Variants in PDE4B observed in about 807,000 individuals in gnomAD.
PDE4B encodes phosphodiesterase 4B, also known as 3',5'-cyclic-AMP phosphodiesterase 4B.
A neutral mutation model predicts 82.2 loss-of-function variants in PDE4B; 20 were observed. The ratio of observed to expected loss-of-function variants is 0.24; its 90% CI spans 0.17 to 0.35. The LOEUF is 0.35. Ranked by LOEUF, PDE4B falls within the 10% of genes least tolerant of loss-of-function variation. The pLI, the probability that PDE4B is intolerant of heterozygous loss-of-function variation, is 1.00. For missense variants in PDE4B, 655 were observed against 907.2 expected (o/e 0.72, Z 3.57); for synonymous variants, 320 against 318.9 (o/e 1.00, Z -0.04).
chr1:66,220,333 A>C (rs1650871840), intron 3 of PDE4B, among the ~76,000 whole-genome samples: 1 of 152,258 alleles, frequency 6.6e-6, no homozygotes, highest in Admixed American at 6.5e-5. Context: ...CCTCCCTTCC[A>C]TTAGAGCGAG....
At chr1:65,981,443 A>G (rs995290371) in intron 3 of PDE4B, among the ~76,000 whole-genome samples, 2 of 152,078 alleles carry the variant, frequency 1.3e-5, no homozygotes, top group African/African-American at 2.4e-5. Flanking sequence ...GAAATTATGG[A>G]GAAACAATTC....
At chr1:65,884,361 C>A (rs936401030) in intron 1 of PDE4B, among the ~76,000 whole-genome samples, 9 of 152,076 alleles carry the variant, frequency 5.9e-5, no homozygotes, top group African/African-American at 2.2e-4. Flanking sequence ...TTCAGGGATT[C>A]AAGTTCTTCC....
At chr1:66,357,509 T>C (rs1186099773) in intron 9 of PDE4B, among the ~76,000 whole-genome samples, 1 of 151,950 alleles carries the variant, frequency 6.6e-6, no homozygotes, top group Non-Finnish European at 1.5e-5. Flanking sequence ...CCTATTCTGC[T>C]TGCTATTTAG....
chr1:66,206,520 T>C (rs778395474), intron 3 of PDE4B, among the ~76,000 whole-genome samples: 1 of 152,130 alleles, frequency 6.6e-6, no homozygotes, highest in Non-Finnish European at 1.5e-5. Context: ...TACCAAACAT[T>C]CTGTATTACT....
At chr1:66,285,508 C>A (rs1388565340) in intron 7 of PDE4B, among the ~76,000 whole-genome samples, 1 of 152,004 alleles carries the variant, frequency 6.6e-6, no homozygotes, top group Admixed American at 6.6e-5. Context: ...ACCCTTCCAC[C>A]TTTTGTAGTC....
At chr1:65,802,420 G>T (rs1645703931) in intron 1 of PDE4B, among the ~76,000 whole-genome samples, 1 of 152,076 alleles carries the variant, frequency 6.6e-6, no homozygotes, top group South Asian at 2.1e-4. Flanking sequence ...TTTTTAATAA[G>T]GAAAATATTA....
In PDE4B at chr1:65,918,418, A is replaced by C. The variant is rs555377777; in HGVS notation, c.43-179A>C. Among the ~76,000 whole-genome samples the C allele has an allele frequency of 9.8e-5, 15 of 152,304 alleles. No individual in the cohort carries two copies. The South Asian group carries it at 2.5e-3, about 25-fold the overall frequency. ...TGATAAGTTTATTCTAAAAGCTGAG[A>C]ATCAGCCTCTTCTATTGTTTTCTCT... On this transcript the variant is annotated intron_variant, in intron 2 of 16. Coordinates refer to ENST00000341517, the MANE Select transcript of PDE4B (RefSeq NM_002600.4).
At chr1:66,315,855 A>G (rs1315652783) in intron 7 of PDE4B, among the ~76,000 whole-genome samples, 2 of 151,824 alleles carry the variant, frequency 1.3e-5, no homozygotes, top group Non-Finnish European at 2.9e-5. Context: ...AGCCCTCCCT[A>G]CCTACGAGGA....
intron 1 of PDE4B, among the ~76,000 whole-genome samples, chr1:65,795,841 A>T (rs1228213572): frequency 6.6e-6 from 1 of 152,198 alleles, no homozygotes; most frequent in Non-Finnish European, 1.5e-5. Flanking sequence ...AGGGCTTTGA[A>T]CTTCATTTCA....
intron 3 of PDE4B, among the ~76,000 whole-genome samples, chr1:66,066,692 C>T (rs1240000551): frequency 4.0e-5 from 6 of 151,872 alleles, no homozygotes; most frequent in African/African-American, 7.3e-5. Context: ...TGCTTTTCAA[C>T]GCCTTGTATC....
chr1:66,154,612 A>C (rs1227394908), intron 3 of PDE4B, among the ~76,000 whole-genome samples: 1 of 152,210 alleles, frequency 6.6e-6, no homozygotes, highest in Non-Finnish European at 1.5e-5. Flanking sequence ...GATCTGAAGT[A>C]CCATCAGCTG....
intron 8 of PDE4B, among the ~76,000 whole-genome samples, chr1:66,338,892 G>A (rs1222257146): frequency 3.1e-4 from 47 of 149,832 alleles, no homozygotes; most frequent in African/African-American, 9.2e-4. Context: ...AGTGGCGGGC[G>A]CCTGTAGTCC....
chr1:66,290,495 A>G (rs1656993750), intron 7 of PDE4B, among the ~76,000 whole-genome samples: 2 of 152,198 alleles, frequency 1.3e-5, no homozygotes, highest in South Asian at 4.1e-4. Flanking sequence ...ATTTGAGGAG[A>G]GAAGCTAGGA....
At chr1:66,309,542 T>A (rs1658523383) in intron 7 of PDE4B, among the ~76,000 whole-genome samples, 1 of 152,180 alleles carries the variant, frequency 6.6e-6, no homozygotes. Context: ...CAGGTCAATG[T>A]GAAGGGGGAA....
rs1662955279 is a variant in PDE4B, at chr1:66,363,282, T to TA, written c.1119+16_1119+17insA. 6.4e-7 allele frequency: 1 copy of TA among 1,573,802 alleles called. No individual in the cohort carries two copies. Among genetic ancestry groups the TA allele is most frequent in the African/African-American group, 1.4e-5 (1 of 73,556 alleles). On this transcript the variant is annotated intron_variant, in intron 11 of 16. Coordinates refer to ENST00000341517, the MANE Select transcript of PDE4B (RefSeq NM_002600.4). ...TATATTCCAGGTGAGTGAACAGGAGTGAATACTGGCTTTCCAATTGGATGG... is the reference window on the plus strand; with the variant it reads ...TATATTCCAGGTGAGTGAACAGGAGTAGAATACTGGCTTTCCAATTGGATGG...
chr1:66,268,874 T>C (rs1655257192), intron 7 of PDE4B, among the ~76,000 whole-genome samples: 1 of 152,098 alleles, frequency 6.6e-6, no homozygotes, highest in Non-Finnish European at 1.5e-5. Flanking sequence ...AATTCTCTGA[T>C]ATACTTTAAT....
At chr1:65,981,829 C>G (rs561563966) in intron 3 of PDE4B, among the ~76,000 whole-genome samples, 1 of 152,102 alleles carries the variant, frequency 6.6e-6, no homozygotes, top group Non-Finnish European at 1.5e-5. Flanking sequence ...TTCTCTCTTT[C>G]TCTTTCTGCC....
intron 3 of PDE4B, among the ~76,000 whole-genome samples, chr1:66,136,196 T>C (rs142226029): frequency 5.3e-5 from 8 of 152,304 alleles, no homozygotes; most frequent in African/African-American, 1.9e-4. Flanking sequence ...ATCTAAGATA[T>C]CCTTTCTACT....
rs573927655 is a variant in PDE4B at position 65,913,523 on chromosome 1, A to G, written c.42+167A>G. 4.6e-5 allele frequency among the ~76,000 whole-genome samples: 7 copies of G among 152,344 alleles called. No homozygotes were observed. In the South Asian group the frequency reaches 1.4e-3, roughly 32 times the overall value. On this transcript the variant is annotated intron_variant, in intron 2 of 16. Transcript: ENST00000341517. ...GGACCTGACGTTCTGTGAGTTGGAC[A>G]GCAGGAACAATGCCCTCTTTGCATC...
Sources: gnomAD v4.1 joint callset for allele counts (sites outside exome capture counted in the v4.1 genomes callset) on GRCh38, gnomAD v4.1.1 for gene constraint, MANE v1.5 for transcripts, NCBI Gene and HGNC (gene_info 2026-07-23, HGNC 2026-07-21) for gene names.